STXBP6: variants seen among roughly 807,000 people sequenced by gnomAD.
The protein encoded by STXBP6 is syntaxin binding protein 6.
A neutral mutation model predicts 26.9 loss-of-function variants in STXBP6; 21 were observed. That is an observed-to-expected ratio of 0.78 (90% CI 0.55 to 1.12). The LOEUF (loss-of-function observed/expected upper bound fraction) is 1.12. Among genes scored for constraint, STXBP6 ranks in the 50% most tolerant of loss-of-function variants. The pLI is 0.00. For synonymous variants in STXBP6, 97 were observed against 92.6 expected (o/e 1.05, Z -0.27); for missense variants, 232 against 257.9 (o/e 0.90, Z 0.69).
intron 2 of STXBP6, among the ~76,000 whole-genome samples, chr14:24,912,976 A>T (rs1022660186): frequency 3.3e-5 from 5 of 152,258 alleles, no homozygotes; most frequent in Non-Finnish European, 5.9e-5. Flanking sequence ...GATTTAACCT[A>T]TTTTTCTTAC....
chr14:24,938,786 C>G (rs1438975428), intron 2 of STXBP6, among the ~76,000 whole-genome samples: 2 of 152,150 alleles, frequency 1.3e-5, no homozygotes, highest in Non-Finnish European at 2.9e-5. Context: ...TCAAGAGGAT[C>G]TTAAACATGA....
intron 2 of STXBP6, among the ~76,000 whole-genome samples, chr14:24,905,005 C>CG (rs2071339647): frequency 6.6e-6 from 1 of 152,136 alleles, no homozygotes; most frequent in South Asian, 2.1e-4. Flanking sequence ...CTACTAGTGA[C>CG]AATGTGGCCT....
In STXBP6 at chr14:24,857,115, T is replaced by C; in HGVS notation, c.197A>G (p.Lys66Arg). The change falls in exon 3 of 6, where the codon AAA becomes AGA. Residue 66 changes from lysine to arginine, a missense_variant. Lys to Arg is a conservative substitution (Grantham distance 26). Coordinates refer to ENST00000323944, the MANE Select transcript of STXBP6 (RefSeq NM_001394410.1). ...KPTQASITKV[K>R]QFEGSTSFVR... is the part of the protein sequence containing the mutation. ...AAATGATGTGGAGCCTTCAAACTGT[T>C]TGACCTTTGTGATGGACGCCTGTGT... The C allele has an allele frequency of 1.2e-6, 2 of 1,613,026 alleles. No individual in the cohort carries two copies. Among genetic ancestry groups the C allele is most frequent in the South Asian group, 1.1e-5 (1 of 91,054 alleles).
intron 2 of STXBP6, among the ~76,000 whole-genome samples, chr14:24,919,026 A>G (rs888169592): frequency 5.3e-5 from 8 of 152,090 alleles, no homozygotes; most frequent in Non-Finnish European, 1.0e-4. Context: ...TACTGTTATC[A>G]TAATGGAGAC....
chr14:24,952,646 C>T (rs1279078528), intron 2 of STXBP6, among the ~76,000 whole-genome samples: 4 of 152,066 alleles, frequency 2.6e-5, no homozygotes, highest in African/African-American at 7.2e-5. Flanking sequence ...AACAAAACTC[C>T]GTGTTGAAAG....
intron 2 of STXBP6, among the ~76,000 whole-genome samples, chr14:24,966,678 C>T (rs2073744116): frequency 1.3e-5 from 2 of 152,294 alleles, no homozygotes; most frequent in Admixed American, 1.3e-4. Flanking sequence ...AGATCTAGAA[C>T]CACCAAGGAA....
At chr14:24,965,320 T>G (rs2073698906) in intron 2 of STXBP6, among the ~76,000 whole-genome samples, 1 of 122,954 alleles carries the variant, frequency 8.1e-6, no homozygotes, top group Non-Finnish European at 1.8e-5. Flanking sequence ...CATACATACA[T>G]ATTAACATGT....
At chr14:24,933,536 C>T (rs1055575590) in intron 2 of STXBP6, among the ~76,000 whole-genome samples, 2 of 152,012 alleles carry the variant, frequency 1.3e-5, no homozygotes, top group Non-Finnish European at 1.5e-5. Flanking sequence ...CACCAAAAAG[C>T]TTTAGTATTT....
chr14:25,045,585 T>C (rs888640632), intron 1 of STXBP6, among the ~76,000 whole-genome samples: 3 of 150,262 alleles, frequency 2.0e-5, no homozygotes, highest in African/African-American at 7.4e-5. Context: ...TTAAATGCGT[T>C]CATACTTTTT....
rs2069317010 is a variant in STXBP6 at position 24,855,994 on chromosome 14, C to G, written c.393G>C (p.Gln131His). Reference sequence around the variant, plus strand: ...CTGGCTTCCTGTCCGTGAGGTACCTCTGGCAGGTATGGTGGAGGATCTGGA... The same window carrying G: ...CTGGCTTCCTGTCCGTGAGGTACCTGTGGCAGGTATGGTGGAGGATCTGGA... ...TFFQILHHTC[Q>H]RYLTDRKPEF... Residue 131 changes from glutamine (Q) to histidine (H), a missense_variant, in exon 4 of 6, where the codon CAG becomes CAC. Gln to His is a conservative substitution (Grantham distance 24). Transcript: ENST00000323944. 14 of 1,611,502 alleles carry G rather than the reference C, an allele frequency of 8.7e-6. No individual in the cohort carries two copies. Among genetic ancestry groups the G allele is most frequent in the Non-Finnish European group, 1.2e-5 (14 of 1,178,694 alleles).
At chr14:24,937,564 T>C (rs1036320666) in intron 2 of STXBP6, among the ~76,000 whole-genome samples, 1 of 152,234 alleles carries the variant, frequency 6.6e-6, no homozygotes, top group African/African-American at 2.4e-5. Context: ...GCTAGCCATT[T>C]AAAGATGTCA....
At chr14:25,030,721 C>T (rs1404353638) in intron 1 of STXBP6, among the ~76,000 whole-genome samples, 1 of 152,136 alleles carries the variant, frequency 6.6e-6, no homozygotes, top group Non-Finnish European at 1.5e-5. Flanking sequence ...TGTCCCTCCT[C>T]GGCCTTTAAA....
intron 4 of STXBP6, among the ~76,000 whole-genome samples, chr14:24,845,238 T>C (rs985850871): frequency 1.3e-5 from 2 of 152,108 alleles, no homozygotes; most frequent in African/African-American, 4.8e-5. Context: ...GGTCTCGATC[T>C]CCTGACCTCG....
chr14:24,883,432 C>A (rs1479341466), intron 2 of STXBP6, among the ~76,000 whole-genome samples: 1 of 151,998 alleles, frequency 6.6e-6, no homozygotes, highest in Non-Finnish European at 1.5e-5. Flanking sequence ...TCTGGGATCC[C>A]AACAAGTATA....
chr14:25,002,516 C>T (rs1308908094), intron 1 of STXBP6, among the ~76,000 whole-genome samples: 2 of 152,024 alleles, frequency 1.3e-5, no homozygotes, highest in Non-Finnish European at 2.9e-5. Context: ...CGTGCCACCA[C>T]AGCCAGCTAA....
intron 2 of STXBP6, among the ~76,000 whole-genome samples, chr14:24,889,268 G>A (rs1424370741): frequency 6.6e-6 from 1 of 150,664 alleles, no homozygotes; most frequent in African/African-American, 2.4e-5. Context: ...GAATATACAG[G>A]GACTAGGCAG....
chr14:24,983,946 G>A (rs2074263421), intron 1 of STXBP6, among the ~76,000 whole-genome samples: 1 of 152,134 alleles, frequency 6.6e-6, no homozygotes, highest in Non-Finnish European at 1.5e-5. Flanking sequence ...CTTCTTTAAA[G>A]TATTCTCTAA....
intron 4 of STXBP6, among the ~76,000 whole-genome samples, chr14:24,840,856 G>A (rs1165905775): frequency 2.7e-5 from 4 of 147,506 alleles, no homozygotes; most frequent in Admixed American, 6.7e-5. Context: ...TTTTTTTCCT[G>A]TCAAATTAAT....
At chr14:24,899,601 C>G (rs150224783) in intron 2 of STXBP6, among the ~76,000 whole-genome samples, 79 of 151,516 alleles carry the variant, frequency 5.2e-4, no homozygotes, top group African/African-American at 1.8e-3. Flanking sequence ...GCCAACATGA[C>G]GAAACCCCAT....
Sources: allele counts gnomAD v4.1 joint callset (sites outside exome capture counted in the v4.1 genomes callset), GRCh38; gene constraint gnomAD v4.1.1; transcripts MANE v1.5; gene names NCBI Gene and HGNC (gene_info 2026-07-23, HGNC 2026-07-21).